BACH2: variants seen among roughly 807,000 people sequenced by gnomAD.
BACH2 encodes the protein transcription regulator protein BACH2.
A neutral mutation model predicts 61.8 loss-of-function variants in BACH2; 5 were observed. The observed-to-expected ratio is 0.08, with a 90% confidence interval of 0.04 to 0.17. BACH2 has a LOEUF of 0.17. BACH2 is among the 10% of genes least tolerant of loss of function. BACH2 has a pLI of 1.00. For missense variants in BACH2, 824 were observed against 1,091.1 expected, an observed-to-expected ratio of 0.76 and a Z score of 3.45; for synonymous variants, 446 against 440.1, an observed-to-expected ratio of 1.01 and a Z score of -0.17.
chr6:89,959,850 T>C (rs1310794330), intron 6 of BACH2, among the ~76,000 whole-genome samples: 1 of 152,208 alleles, frequency 6.6e-6, no homozygotes. Flanking sequence ...TAGGCTCTTT[T>C]GCTGGTTAAC....
chr6:90,230,078 A>G (rs1476246440), intron 3 of BACH2, among the ~76,000 whole-genome samples: 1 of 152,216 alleles, frequency 6.6e-6, no homozygotes, highest in African/African-American at 2.4e-5. Context: ...ATATTTCTAA[A>G]GTTCCCCAGG....
chr6:90,155,240 A>G (rs1250376194), intron 4 of BACH2, among the ~76,000 whole-genome samples: 1 of 152,236 alleles, frequency 6.6e-6, no homozygotes, highest in Non-Finnish European at 1.5e-5. Context: ...TATGGGCTGG[A>G]AAGCCAACCA....
chr6:90,282,195 T>A (rs1324271492), intron 1 of BACH2, among the ~76,000 whole-genome samples: 1 of 152,226 alleles, frequency 6.6e-6, no homozygotes, highest in Non-Finnish European at 1.5e-5. Context: ...TATGCACATG[T>A]ACTGGTTTGT....
intron 6 of BACH2, among the ~76,000 whole-genome samples, chr6:89,968,577 G>T (rs1775170701): frequency 6.6e-6 from 1 of 152,172 alleles, no homozygotes; most frequent in African/African-American, 2.4e-5. Context: ...TCACAGAAAG[G>T]CTAAAGCCAT....
intron 7 of BACH2, among the ~76,000 whole-genome samples, chr6:89,945,937 T>G (rs1269248276): frequency 4.6e-5 from 7 of 152,180 alleles, no homozygotes; most frequent in Non-Finnish European, 8.8e-5. Flanking sequence ...TTGTTCATTT[T>G]TTTTTACTGG....
intron 4 of BACH2, among the ~76,000 whole-genome samples, chr6:90,146,479 G>A (rs1413951837): frequency 3.9e-5 from 6 of 152,170 alleles, no homozygotes; most frequent in African/African-American, 1.4e-4. Flanking sequence ...ATATATGAAA[G>A]TTTTCTAAAA....
intron 4 of BACH2, among the ~76,000 whole-genome samples, chr6:90,159,469 C>T (rs1303018614): frequency 6.6e-6 from 1 of 152,032 alleles, no homozygotes; most frequent in Non-Finnish European, 1.5e-5. Context: ...ATACGCAGAC[C>T]TCATAGACTA....
chr6:90,184,257 G>A (rs778429883), intron 4 of BACH2, among the ~76,000 whole-genome samples: 3 of 152,074 alleles, frequency 2.0e-5, no homozygotes, highest in Non-Finnish European at 4.4e-5. Flanking sequence ...TAGAATAAAC[G>A]CCATTTTAAC....
intron 4 of BACH2, among the ~76,000 whole-genome samples, chr6:90,120,841 C>T (rs971473074): frequency 6.6e-6 from 1 of 152,184 alleles, no homozygotes; most frequent in Non-Finnish European, 1.5e-5. Context: ...TCTGCATAAA[C>T]TGTTAATGTC....
intron 6 of BACH2, among the ~76,000 whole-genome samples, chr6:89,954,435 G>A (rs941074735): frequency 5.0e-5 from 7 of 138,702 alleles, no homozygotes; most frequent in Non-Finnish European, 1.1e-4. Context: ...ATCTCCTAAT[G>A]CTATCCCTCC....
intron 7 of BACH2, among the ~76,000 whole-genome samples, chr6:89,945,241 A>G (rs1773657030): frequency 6.6e-6 from 1 of 152,224 alleles, no homozygotes; most frequent in Non-Finnish European, 1.5e-5. Flanking sequence ...CATTATTTAT[A>G]ATAGCCCCAA....
At chr6:89,992,303 C>T (rs1742684183) in intron 6 of BACH2, among the ~76,000 whole-genome samples, 1 of 152,150 alleles carries the variant, frequency 6.6e-6, no homozygotes, top group Admixed American at 6.5e-5. Context: ...GTGTACATAT[C>T]CCTCTGCAAC....
At position 89,951,875 on chromosome 6, in the gene BACH2, C is replaced by A. The variant is rs1774149327; in HGVS notation, c.244-13G>T. 2 of 1,603,480 alleles carry A rather than the reference C, an allele frequency of 1.2e-6. No homozygotes were observed. Among genetic ancestry groups the A allele is most frequent in the Non-Finnish European group, 1.7e-6 (2 of 1,172,404 alleles). ...CCCTGGCTGTGACCTGCAAAACAAA[C>A]AGGGAAATCGCCAACATTACCATCA... On this transcript the variant is annotated splice_polypyrimidine_tract_variant and intron_variant, in intron 6 of 8. Transcript: ENST00000257749. The surrounding 1 kb of genome is among the most constrained non-coding windows in gnomAD (Gnocchi z 6.4).
At chr6:90,029,289 AATTT>A (rs1778818403) in intron 5 of BACH2, among the ~76,000 whole-genome samples, 2 of 152,156 alleles carry the variant, frequency 1.3e-5, no homozygotes, top group Admixed American at 6.5e-5. Context: ...GGACTTGGGC[AATTT>A]ATTTAAGTCC....
chr6:89,993,157 T>G (rs934415547), intron 6 of BACH2, among the ~76,000 whole-genome samples: 3 of 152,110 alleles, frequency 2.0e-5, no homozygotes, highest in African/African-American at 7.2e-5. Flanking sequence ...TAAGAGAAAA[T>G]GAATTTCTGT....
chr6:90,031,856 T>C (rs1454357632), intron 5 of BACH2, among the ~76,000 whole-genome samples: 1 of 152,158 alleles, frequency 6.6e-6, no homozygotes, highest in African/African-American at 2.4e-5. Context: ...AAAAACTACT[T>C]TAAAGTTCAT....
chr6:89,971,307 C>T (rs1225121240), intron 6 of BACH2, among the ~76,000 whole-genome samples: 6 of 152,206 alleles, frequency 3.9e-5, no homozygotes, highest in Non-Finnish European at 8.8e-5. Flanking sequence ...TTCTCCTCCA[C>T]AGGAATTCAC....
chr6:90,064,092 A>G (rs1201533336), intron 5 of BACH2, among the ~76,000 whole-genome samples: 1 of 152,262 alleles, frequency 6.6e-6, no homozygotes, highest in Non-Finnish European at 1.5e-5. Context: ...GAAGAAAATG[A>G]AAATGAATAA....
intron 4 of BACH2, among the ~76,000 whole-genome samples, chr6:90,106,437 A>G (rs1487673422): frequency 3.3e-5 from 5 of 152,242 alleles, no homozygotes; most frequent in Non-Finnish European, 1.5e-5. Flanking sequence ...ACTGTATTAC[A>G]ACTGCTTATA....
Sources: allele counts gnomAD v4.1 joint callset (sites outside exome capture counted in the v4.1 genomes callset), GRCh38; gene constraint gnomAD v4.1.1; non-coding constraint Gnocchi (gnomAD v3.1); transcripts MANE v1.5; gene names NCBI Gene and HGNC (gene_info 2026-07-23, HGNC 2026-07-21).